The following CEP112 variants were observed in gnomAD, a reference collection of about 807,000 sequenced individuals.
The protein encoded by CEP112 is centrosomal protein of 112 kDa.
CEP112 carries 127 observed loss-of-function variants against 153.0 expected under a neutral mutation model. That is an observed-to-expected ratio of 0.83 (90% CI 0.72 to 0.96). CEP112 has a LOEUF of 0.96. CEP112 is among the 40% of genes least tolerant of loss of function. The probability of loss-of-function intolerance (pLI) is 0.00; values close to 1 mark genes in which losing one functional copy is unlikely to be tolerated. For synonymous variants in CEP112, 358 were observed against 374.4 expected, an observed-to-expected ratio of 0.96 and a Z score of 0.51; for missense variants, 1,089 against 1,101.2, an observed-to-expected ratio of 0.99 and a Z score of 0.16.
intron 12 of CEP112, among the ~76,000 whole-genome samples, chr17:66,041,626 C>T (rs1297633250): frequency 6.6e-6 from 1 of 152,070 alleles, no homozygotes; most frequent in Non-Finnish European, 1.5e-5. Flanking sequence ...TTTCCAATAC[C>T]ATTTCTCCAT....
intron 20 of CEP112, among the ~76,000 whole-genome samples, chr17:65,870,460 A>G (rs989608016): frequency 6.6e-6 from 1 of 152,230 alleles, no homozygotes; most frequent in African/African-American, 2.4e-5. Context: ...TAAAATAGCT[A>G]TGTAGAAGCA....
intron 24 of CEP112, among the ~76,000 whole-genome samples, chr17:65,659,409 T>C (rs185629246): frequency 1.3e-5 from 2 of 152,324 alleles, no homozygotes; most frequent in Admixed American, 1.3e-4. Context: ...TATCTCCTTA[T>C]GTTTGAGAAG....
intron 24 of CEP112, among the ~76,000 whole-genome samples, chr17:65,663,422 G>C (rs1011107685): frequency 6.6e-6 from 1 of 152,130 alleles, no homozygotes; most frequent in Non-Finnish European, 1.5e-5. Flanking sequence ...TCTACACATG[G>C]TATAGCTCAA....
At chr17:65,891,770 C>T (rs1057326148) in intron 20 of CEP112, among the ~76,000 whole-genome samples, 1 of 152,190 alleles carries the variant, frequency 6.6e-6, no homozygotes, top group African/African-American at 2.4e-5. Context: ...CTGCTATGCT[C>T]ATGCCAGACA....
chr17:65,871,909 C>T (rs761254490), intron 20 of CEP112, among the ~76,000 whole-genome samples: 19 of 152,176 alleles, frequency 1.2e-4, no homozygotes, highest in Non-Finnish European at 2.8e-4. Context: ...TCTTGGATGA[C>T]TTTTACATCA....
chr17:65,963,739 G>T (rs2144800137), intron 17 of CEP112, among the ~76,000 whole-genome samples: 1 of 151,930 alleles, frequency 6.6e-6, no homozygotes, highest in Admixed American at 6.6e-5. Context: ...CCCCACCCCT[G>T]TATTTGGGAT....
At chr17:65,908,204 T>C (rs1210091713) in intron 19 of CEP112, among the ~76,000 whole-genome samples, 1 of 152,204 alleles carries the variant, frequency 6.6e-6, no homozygotes, top group African/African-American at 2.4e-5. Context: ...ATACTGGGTA[T>C]GTGCCCACCC....
At chr17:66,136,197 G>T (rs969715050) in intron 4 of CEP112, among the ~76,000 whole-genome samples, 1 of 152,182 alleles carries the variant, frequency 6.6e-6, no homozygotes, top group African/African-American at 2.4e-5. Context: ...GTTGGGAACT[G>T]CTGAGAACGA....
chr17:66,165,660 T>A (rs763067050), intron 4 of CEP112, among the ~76,000 whole-genome samples: 1 of 152,228 alleles, frequency 6.6e-6, no homozygotes, highest in Non-Finnish European at 1.5e-5. Flanking sequence ...TCAATATTTT[T>A]AAAGTGAAAA....
chr17:65,756,143 C>T (rs1334151497), intron 21 of CEP112, among the ~76,000 whole-genome samples: 2 of 152,118 alleles, frequency 1.3e-5, no homozygotes, highest in Non-Finnish European at 2.9e-5. Context: ...GTGGCTCATG[C>T]CTGTAATCCC....
chr17:65,754,304 A>T (rs1339209121), intron 21 of CEP112, among the ~76,000 whole-genome samples: 1 of 152,218 alleles, frequency 6.6e-6, no homozygotes, highest in African/African-American at 2.4e-5. Context: ...AGGCATGCAC[A>T]GCATGTTCAA....
intron 24 of CEP112, among the ~76,000 whole-genome samples, chr17:65,659,340 T>C (rs1364143651): frequency 6.6e-6 from 1 of 152,218 alleles, no homozygotes; most frequent in Non-Finnish European, 1.5e-5. Context: ...CTTTCTTTTC[T>C]GCATATTTAA....
At chr17:65,828,970 T>C (rs979016379) in intron 21 of CEP112, among the ~76,000 whole-genome samples, 4 of 152,118 alleles carry the variant, frequency 2.6e-5, no homozygotes, top group Non-Finnish European at 5.9e-5. Flanking sequence ...GTTCACAGTA[T>C]AGATAACCAC....
chr17:66,152,999 T>C, intron 4 of CEP112, among the ~76,000 whole-genome samples: 1 of 152,102 alleles, frequency 6.6e-6, no homozygotes, highest in East Asian at 1.9e-4. Context: ...GCATACCAAC[T>C]AAAATGCACA....
intron 12 of CEP112, among the ~76,000 whole-genome samples, chr17:66,042,785 G>C (rs577867224): frequency 1.8e-4 from 27 of 152,074 alleles, no homozygotes; most frequent in Non-Finnish European, 4.0e-4. Flanking sequence ...ACCGAGTGCA[G>C]GTTATATGGG....
At position 66,132,168 on chromosome 17, in the gene CEP112, C is replaced by CAAAAAAAAAAAAAAAAA. The variant is rs56221578; in HGVS notation, c.564+485_564+501dup. Among the ~76,000 whole-genome samples, 7 of 39,884 alleles carry CAAAAAAAAAAAAAAAAA rather than the reference C, an allele frequency of 1.8e-4. 2 individuals carry two copies. Among genetic ancestry groups the CAAAAAAAAAAAAAAAAA allele is most frequent in the African/African-American group, 4.2e-4 (3 of 7,134 alleles). The allele number at this position is 39,884 out of a possible 152,430, so 26.2% of individuals were successfully genotyped here. On this transcript the variant is annotated intron_variant, in intron 5 of 26. Transcript: ENST00000535342. ...CCTGGGCAACAGTGAGACTCCATCT[C>CAAAAAAAAAAAAAAAAA]AAAAAAAAAAAAAAAAAAAAAAAAA...
intron 25 of CEP112, among the ~76,000 whole-genome samples, chr17:65,640,154 ATTT>A (rs529025836): frequency 2.2e-4 from 17 of 78,332 alleles, no homozygotes; most frequent in Non-Finnish European, 3.2e-4. Context: ...ATATATATAT[ATTT>A]TTTTTTTTTT....
rs760024015 is a variant in CEP112, at chr17:66,140,879, T to C, written c.471-8116A>G. Among the ~76,000 whole-genome samples the C allele has an allele frequency of 4.6e-5, 7 of 152,092 alleles. 1 individual carries two copies. Among genetic ancestry groups the C allele is most frequent in the Non-Finnish European group, 7.4e-5 (5 of 68,010 alleles). On this transcript the variant is annotated intron_variant, in intron 4 of 26. Coordinates refer to ENST00000535342, the MANE Select transcript of CEP112 (RefSeq NM_001199165.4). ...TCAGGCTGGTCTCAAACTCCTGATCTCAAGTGATCTGCCCGCCTCAGCCTC... is the reference window on the plus strand; with the variant it reads ...TCAGGCTGGTCTCAAACTCCTGATCCCAAGTGATCTGCCCGCCTCAGCCTC...
At chr17:66,178,859 A>C (rs1262260440) in intron 2 of CEP112, among the ~76,000 whole-genome samples, 1 of 152,172 alleles carries the variant, frequency 6.6e-6, no homozygotes, top group South Asian at 2.1e-4. Context: ...CACAGAACAA[A>C]CTAATGAAAT....
Sources: allele counts gnomAD v4.1 joint callset (sites outside exome capture counted in the v4.1 genomes callset), GRCh38; gene constraint gnomAD v4.1.1; transcripts MANE v1.5; gene names NCBI Gene and HGNC (gene_info 2026-07-23, HGNC 2026-07-21).